The following ZCCHC14 variants were observed in gnomAD, a reference collection of about 807,000 sequenced individuals.
ZCCHC14 encodes zinc finger CCHC-type containing 14.
ZCCHC14 carries 16 observed loss-of-function variants against 85.0 expected under a neutral mutation model. The observed-to-expected ratio is 0.19, with a 90% CI of 0.13 to 0.29. The LOEUF (loss-of-function observed/expected upper bound fraction) is 0.29, where lower values mean the gene tolerates loss of function less well. Ranked by LOEUF, ZCCHC14 falls within the 10% of genes least tolerant of loss-of-function variation. ZCCHC14 has a pLI of 1.00. For synonymous variants in ZCCHC14, 775 were observed against 630.7 expected, an observed-to-expected ratio of 1.23 and a Z score of -3.43; for missense variants, 1,303 against 1,443.5, an observed-to-expected ratio of 0.90 and a Z score of 1.58.
chr16:87,450,010 G>C (rs1910618893), intron 2 of ZCCHC14, among the ~76,000 whole-genome samples: 1 of 152,196 alleles, frequency 6.6e-6, no homozygotes, highest in Non-Finnish European at 1.5e-5. Flanking sequence ...TTGAGGCACT[G>C]CACTGCAGCC....
chr16:87,472,016 GCAA>G (rs1250338891), intron 1 of ZCCHC14: 2 of 152,282 alleles, frequency 1.3e-5, no homozygotes, highest in East Asian at 3.9e-4. Flanking sequence ...GTGCTTCTGA[GCAA>G]CTACTACCCT....
At chr16:87,470,727 A>C (rs933083154) in intron 1 of ZCCHC14, 1 of 152,240 alleles carries the variant, frequency 6.6e-6, no homozygotes, top group South Asian at 2.1e-4. Flanking sequence ...AGATGACTGA[A>C]TATTATGCAG....
chr16:87,414,243 C>T (rs969228621), intron 10 of ZCCHC14, among the ~76,000 whole-genome samples, 171 bp downstream of exon 10: 1 of 151,804 alleles, frequency 6.6e-6, no homozygotes, highest in Non-Finnish European at 1.5e-5. Context: ...GGCACACCGG[C>T]CCTCTCTGTG....
In ZCCHC14 at chr16:87,483,843, A is replaced by G. The variant is rs544186825; in HGVS notation, c.570+7826T>C. On this transcript the variant is annotated intron_variant, in intron 1 of 12. Transcript: ENST00000671377. ...CTACTCCACAGGTAGACTTACCTGAATGTGAAAGGTCCCATCTGCTGTCTG... is the reference window on the plus strand; with the variant it reads ...CTACTCCACAGGTAGACTTACCTGAGTGTGAAAGGTCCCATCTGCTGTCTG... Among the ~76,000 whole-genome samples the G allele has an allele frequency of 2.0e-5, 3 of 152,358 alleles. No individual in the cohort carries two copies. In the South Asian group the frequency reaches 6.2e-4, roughly 32 times the overall value.
intron 1 of ZCCHC14, among the ~76,000 whole-genome samples, chr16:87,475,306 C>CT (rs959393608): frequency 2.7e-4 from 41 of 152,092 alleles, no homozygotes; most frequent in African/African-American, 8.5e-4. Flanking sequence ...AATCTCAGCA[C>CT]TTAGGGAGGC....
At chr16:87,470,117 G>A (rs1171840100) in intron 1 of ZCCHC14, among the ~76,000 whole-genome samples, 3 of 152,044 alleles carry the variant, frequency 2.0e-5, no homozygotes, top group Non-Finnish European at 4.4e-5. Context: ...TGGAACTCCT[G>A]AGGTCAGGAG....
At chr16:87,415,972 G>A (rs982714988) in intron 8 of ZCCHC14, among the ~76,000 whole-genome samples, 2 of 152,008 alleles carry the variant, frequency 1.3e-5, no homozygotes, top group African/African-American at 4.8e-5. Flanking sequence ...TGTCACCTAG[G>A]CTGGAGTGCA....
At chr16:87,467,045 G>GT (rs11313580) in intron 1 of ZCCHC14, 3,432 of 278,848 alleles carry the variant, frequency 0.012, 15 homozygotes, top group East Asian at 0.035. Flanking sequence ...AAAAAAAATT[G>GT]TTTTTTTTTT....
chr16:87,477,151 A>AAAAAAAAAAAAAAC (rs1912054945), intron 1 of ZCCHC14, among the ~76,000 whole-genome samples: 1 of 142,182 alleles, frequency 7.0e-6, no homozygotes, highest in African/African-American at 2.9e-5. Context: ...ACAAAACAAA[A>AAAAAAAAAAAAAAC]CCAAAAAAAA....
chr16:87,471,345 C>A (rs1325770311), intron 1 of ZCCHC14: 1 of 152,114 alleles, frequency 6.6e-6, no homozygotes, highest in African/African-American at 2.4e-5. Context: ...TGACTTAGAC[C>A]AAGTGAAAGC....
intron 2 of ZCCHC14, among the ~76,000 whole-genome samples, chr16:87,450,599 T>C (rs903322008): frequency 1.3e-5 from 2 of 151,634 alleles, no homozygotes; most frequent in African/African-American, 4.9e-5. Context: ...AGAGAGGCTT[T>C]CACTCCTGTT....
Position 87,407,986 on chromosome 16 carries a change from C to T in ZCCHC14, c.*2294G>A, listed in dbSNP as rs1474561988. The T allele has an allele frequency of 6.5e-6, 1 of 152,732 alleles. No individual in the cohort carries two copies. The highest frequency in any genetic ancestry group is 1.5e-5 in the Non-Finnish European group (1 of 68,076). The allele number at this position is 152,732 out of a possible 1,614,324, so 9.5% of individuals were successfully genotyped here. On this transcript the variant is annotated 3_prime_UTR_variant, in exon 13 of 13. Transcript: ENST00000671377. Reference sequence around the variant, plus strand: ...TCGGACGGCCTCCCTGGAGATGTCACACGCCGCCCATGCACGTTCAAGACG... The same window carrying T: ...TCGGACGGCCTCCCTGGAGATGTCATACGCCGCCCATGCACGTTCAAGACG...
rs150435375 is a variant in ZCCHC14, at chr16:87,417,398, C to G, written c.1383+62G>C. On this transcript the variant is annotated intron_variant, in intron 8 of 12. Transcript: ENST00000671377. ...GTGTTGGTTTGGAAACTCAATGCCCCCAGGGAGGTCTTGAGTAAACAATCT... is the reference window on the plus strand; with the variant it reads ...GTGTTGGTTTGGAAACTCAATGCCCGCAGGGAGGTCTTGAGTAAACAATCT... 3.1e-4 allele frequency: 486 copies of G among 1,578,652 alleles called. 1 individual carries two copies. In the African/African-American group the frequency reaches 6.1e-3, roughly 20 times the overall value.
At chr16:87,455,290 C>G (rs534774181) in intron 2 of ZCCHC14, among the ~76,000 whole-genome samples, 1 of 147,974 alleles carries the variant, frequency 6.8e-6, no homozygotes, top group Non-Finnish European at 1.5e-5. Context: ...CTCCGTCCCC[C>G]CCCGCCCCCG....
chr16:87,441,875 A>G (rs1211206442), intron 2 of ZCCHC14, among the ~76,000 whole-genome samples: 1 of 152,226 alleles, frequency 6.6e-6, no homozygotes, highest in African/African-American at 2.4e-5. Context: ...AGCAGCAACG[A>G]AAGCCCCTGG....
chr16:87,411,000 C>T (rs1039082741), intron 12 of ZCCHC14, among the ~76,000 whole-genome samples: 1 of 152,306 alleles, frequency 6.6e-6, no homozygotes, highest in African/African-American at 2.4e-5. Context: ...CATCAGACAT[C>T]CACTGGGATT....
intron 2 of ZCCHC14, among the ~76,000 whole-genome samples, chr16:87,438,654 G>A (rs978225861): frequency 2.0e-5 from 3 of 152,232 alleles, no homozygotes; most frequent in African/African-American, 7.2e-5. Context: ...GTCCTAATAA[G>A]TATAAAGATA....
At chr16:87,428,328 G>GA (rs1314201359) in intron 3 of ZCCHC14, among the ~76,000 whole-genome samples, 1 of 152,088 alleles carries the variant, frequency 6.6e-6, no homozygotes, top group Non-Finnish European at 1.5e-5. Flanking sequence ...AAAGTTTTTA[G>GA]AAAAAAACGT....
intron 1 of ZCCHC14, among the ~76,000 whole-genome samples, chr16:87,464,099 C>T (rs976067242): frequency 4.6e-5 from 7 of 152,204 alleles, no homozygotes; most frequent in Non-Finnish European, 8.8e-5. Flanking sequence ...ACACACACAC[C>T]GCCTGCCCAC....
Sources: gnomAD v4.1 joint callset for allele counts (sites outside exome capture counted in the v4.1 genomes callset) on GRCh38, gnomAD v4.1.1 for gene constraint, MANE v1.5 for transcripts, NCBI Gene and HGNC (gene_info 2026-07-23, HGNC 2026-07-21) for gene names.